The following HECW1 variants were observed in gnomAD, a reference collection of about 807,000 sequenced individuals.
The protein encoded by HECW1 is HECT, C2 and WW domain containing E3 ubiquitin protein ligase 1, also known as E3 ubiquitin-protein ligase HECW1.
In HECW1, 61 loss-of-function variants were observed where a neutral mutation model predicts 182.3. That is an observed-to-expected ratio of 0.33 (90% confidence interval 0.27 to 0.41). HECW1 has a LOEUF of 0.41. HECW1 is among the 10% of genes least tolerant of loss of function. The pLI is 1.00. For missense variants in HECW1, 1,739 were observed against 2,108.9 expected (o/e 0.82, Z 3.44); for synonymous variants, 859 against 832.6 (o/e 1.03, Z -0.55).
chr7:43,478,000 G>A (rs909031177), intron 16 of HECW1, among the ~76,000 whole-genome samples: 2 of 151,280 alleles, frequency 1.3e-5, no homozygotes, highest in African/African-American at 4.9e-5. Flanking sequence ...ATGGTACAAA[G>A]GGTTTTGTTG....
intron 2 of HECW1, among the ~76,000 whole-genome samples, chr7:43,157,024 A>G (rs1053963914): frequency 6.6e-6 from 1 of 152,218 alleles, no homozygotes; most frequent in Non-Finnish European, 1.5e-5. Context: ...GCCTGTCCTG[A>G]CTGACACATG....
At chr7:43,559,713 A>G (rs989280239) in intron 29 of HECW1, among the ~76,000 whole-genome samples, 1 of 152,106 alleles carries the variant, frequency 6.6e-6, no homozygotes, top group Admixed American at 6.6e-5. Context: ...CCACCGGGCA[A>G]TGCTTGGTTT....
intron 7 of HECW1, among the ~76,000 whole-genome samples, chr7:43,401,827 C>T (rs1015160424): frequency 7.2e-5 from 11 of 151,752 alleles, no homozygotes; most frequent in African/African-American, 1.7e-4. Context: ...TTCCTGTTTT[C>T]GCACCCAAAT....
intron 2 of HECW1, among the ~76,000 whole-genome samples, chr7:43,188,370 A>G (rs1035739907): frequency 1.3e-5 from 2 of 152,158 alleles, no homozygotes; most frequent in South Asian, 4.1e-4. Flanking sequence ...GGGATTTTAA[A>G]TCAAGGAAAT....
rs769155947 is a variant in HECW1, at chr7:43,445,117, G to A, written c.1945G>A (p.Asp649Asn). ...SLANGAAQDG[D>N]THPSTGSESD... ...GGCCAATGGCGCGGCCCAGGATGGC[G>A]ACACGCACCCCAGCACCGGGAGCGA... Residue 649 changes from aspartate to asparagine, a missense_variant, in exon 11 of 30, where the codon GAC becomes AAC. Physicochemically the swap from Asp to Asn is conservative, Grantham distance 23. Around this residue, in one of 5 missense-constraint regions of HECW1, gnomAD observed 971 missense variants for 1,029.1 expected, o/e 0.94. Coordinates refer to ENST00000395891, the MANE Select transcript of HECW1 (RefSeq NM_015052.5). 9 of 1,608,070 alleles carry A rather than the reference G, an allele frequency of 5.6e-6. No individual in the cohort carries two copies. Among genetic ancestry groups the A allele is most frequent in the Admixed American group, 3.3e-5 (2 of 59,876 alleles).
At chr7:43,539,673 A>AG (rs11382992) in intron 24 of HECW1, among the ~76,000 whole-genome samples, 152,372 of 152,372 alleles carry the variant, frequency 1, 76,186 homozygotes, top group Non-Finnish European at 1. Flanking sequence ...TAAGTGCGGA[A>AG]CCACGGGCCC....
At chr7:43,488,417 AGAG>A (rs2078761481) in intron 17 of HECW1, among the ~76,000 whole-genome samples, 2 of 127,804 alleles carry the variant, frequency 1.6e-5, no homozygotes, top group Non-Finnish European at 3.5e-5. Context: ...AGAAAGAGAG[AGAG>A]AGAAAGAAAG....
At chr7:43,470,513 C>T (rs1359625079) in intron 16 of HECW1, among the ~76,000 whole-genome samples, 2 of 152,182 alleles carry the variant, frequency 1.3e-5, no homozygotes, top group Non-Finnish European at 2.9e-5. Flanking sequence ...GGCACACATG[C>T]AGATGATGTG....
At chr7:43,182,971 T>G (rs1793015587) in intron 2 of HECW1, among the ~76,000 whole-genome samples, 1 of 152,220 alleles carries the variant, frequency 6.6e-6, no homozygotes, top group Non-Finnish European at 1.5e-5. Flanking sequence ...TCTTGATTAC[T>G]TTTTCAGATA....
chr7:43,329,142 G>A (rs560226254), intron 5 of HECW1, among the ~76,000 whole-genome samples: 1 of 143,398 alleles, frequency 7.0e-6, no homozygotes, highest in South Asian at 2.1e-4. Context: ...CAGGAACTCG[G>A]CCAGTTGGGA....
intron 24 of HECW1, among the ~76,000 whole-genome samples, chr7:43,530,274 C>T (rs1160816869): frequency 1.3e-5 from 2 of 151,766 alleles, no homozygotes; most frequent in Admixed American, 1.3e-4. Context: ...TTACTGTAAT[C>T]GACACTTTAC....
At chr7:43,494,953 C>T (rs537251922) in intron 19 of HECW1, among the ~76,000 whole-genome samples, 1 of 152,256 alleles carries the variant, frequency 6.6e-6, no homozygotes, top group South Asian at 2.1e-4. Context: ...CTTTGTCTTT[C>T]CGGGAATGAC....
intron 2 of HECW1, among the ~76,000 whole-genome samples, chr7:43,132,070 TTTTCTC>T (rs1373959803): frequency 1.3e-5 from 2 of 152,196 alleles, no homozygotes; most frequent in African/African-American, 2.4e-5. Flanking sequence ...ATCCACTCTA[TTTTCTC>T]TGACTCTTAG....
At chr7:43,133,673 C>G (rs1787201663) in intron 2 of HECW1, among the ~76,000 whole-genome samples, 1 of 151,930 alleles carries the variant, frequency 6.6e-6, no homozygotes, top group African/African-American at 2.4e-5. Context: ...CTCTTCCTCC[C>G]TCTCTTTTTC....
intron 16 of HECW1, among the ~76,000 whole-genome samples, chr7:43,475,987 C>G (rs1453385925): frequency 6.6e-6 from 1 of 152,044 alleles, no homozygotes; most frequent in Non-Finnish European, 1.5e-5. Flanking sequence ...CCTTAAAAAT[C>G]AAGAATAAGA....
intron 26 of HECW1, among the ~76,000 whole-genome samples, chr7:43,543,516 C>T (rs778267669): frequency 5.3e-5 from 8 of 152,144 alleles, no homozygotes; most frequent in South Asian, 2.1e-4. Context: ...CGGTGGCTCA[C>T]GCCTGTAATC....
chr7:43,301,737 C>T (rs559031151), intron 3 of HECW1, among the ~76,000 whole-genome samples: 2 of 152,020 alleles, frequency 1.3e-5, no homozygotes, highest in Admixed American at 6.5e-5. Context: ...TAGCCAGGTA[C>T]GGTGGCACGC....
intron 2 of HECW1, among the ~76,000 whole-genome samples, chr7:43,187,526 T>C (rs1251141929): frequency 2.0e-5 from 3 of 150,308 alleles, no homozygotes; most frequent in Non-Finnish European, 4.4e-5. Context: ...TTCTTTTAGA[T>C]ACTATTACCT....
chr7:43,117,815 A>G lies in HECW1; in HGVS notation c.-32+3424A>G, dbSNP rs1372422775. 3.3e-5 allele frequency: 5 copies of G among 152,356 alleles called. No homozygotes were observed. In the South Asian group the frequency reaches 1.0e-3, roughly 31 times the overall value. The allele number at this position is 152,356 out of a possible 1,614,324, so 9.4% of individuals were successfully genotyped here. On this transcript the variant is annotated intron_variant, in intron 2 of 29. Coordinates refer to ENST00000395891, the MANE Select transcript of HECW1 (RefSeq NM_015052.5). ...AATAATGCAATTACTTACTGGCAACATATGACAAAGATCACTAAGCTCCTA... is the reference window on the plus strand; with the variant it reads ...AATAATGCAATTACTTACTGGCAACGTATGACAAAGATCACTAAGCTCCTA...
Sources: gnomAD v4.1 joint callset for allele counts (sites outside exome capture counted in the v4.1 genomes callset) on GRCh38, gnomAD v4.1.1 for gene constraint, gnomAD v4.1.1 regional missense constraint, MANE v1.5 for transcripts, NCBI Gene and HGNC (gene_info 2026-07-23, HGNC 2026-07-21) for gene names.